TMTC2: variants seen among roughly 807,000 people sequenced by gnomAD.
TMTC2 encodes the protein protein O-mannosyl-transferase TMTC2.
In TMTC2, 43 loss-of-function variants were observed where a neutral mutation model predicts 82.4. The ratio of observed to expected loss-of-function variants is 0.52; its 90% CI spans 0.41 to 0.67. The LOEUF is 0.67. TMTC2 is among the 30% of genes least tolerant of loss of function. TMTC2 has a pLI of 0.00. For missense variants in TMTC2, 919 were observed against 1,012.4 expected (o/e 0.91, Z 1.25); for synonymous variants, 408 against 381.9 (o/e 1.07, Z -0.80).
At chr12:82,947,582 G>A (rs1460865416) in intron 4 of TMTC2, among the ~76,000 whole-genome samples, 2 of 151,706 alleles carry the variant, frequency 1.3e-5, no homozygotes, top group South Asian at 2.1e-4. Flanking sequence ...CGCCTGCCTC[G>A]GCCTCCCAAA....
At chr12:82,833,238 C>A (rs1046709374) in intron 1 of TMTC2, among the ~76,000 whole-genome samples, 4 of 152,078 alleles carry the variant, frequency 2.6e-5, no homozygotes, top group Admixed American at 6.6e-5. Context: ...GCATAATAAA[C>A]CAATAAAACC....
intron 3 of TMTC2, 50 bp downstream of exon 3, chr12:82,896,696 C>T (rs769886771): frequency 3.5e-6 from 5 of 1,414,560 alleles, no homozygotes; most frequent in Non-Finnish European, 3.8e-6. Context: ...CTTTCAGCCT[C>T]TTTATATCTT....
intron 8 of TMTC2, among the ~76,000 whole-genome samples, chr12:83,025,128 G>C (rs549747739): frequency 1.3e-3 from 194 of 152,202 alleles, no homozygotes; most frequent in African/African-American, 4.6e-3. Context: ...GGAGACAGAG[G>C]TTGCAGTAAG....
intron 1 of TMTC2, among the ~76,000 whole-genome samples, chr12:82,810,128 C>A (rs1448912170): frequency 6.6e-6 from 1 of 151,784 alleles, no homozygotes; most frequent in Non-Finnish European, 1.5e-5. Context: ...AGAATCTATA[C>A]ATGCTTAATG....
chr12:82,938,681 T>G (rs1876543434), intron 4 of TMTC2, among the ~76,000 whole-genome samples: 1 of 152,180 alleles, frequency 6.6e-6, no homozygotes, highest in Non-Finnish European at 1.5e-5. Context: ...TGGGGCAGCT[T>G]GCAGGTACCT....
rs1042523136 is a variant in TMTC2 at position 82,963,143 on chromosome 12, C to T, written c.1599-1881C>T. ...ATGGGATTGGGGCATTGGTCATATA[C>T]ACCACAGACCATTCTTAAAGAAAAT... On this transcript the variant is annotated intron_variant, in intron 4 of 11. Coordinates refer to ENST00000321196, the MANE Select transcript of TMTC2 (RefSeq NM_152588.3). Among the ~76,000 whole-genome samples, 10 of 152,058 alleles carry T rather than the reference C, an allele frequency of 6.6e-5. No individual in the cohort carries two copies. The South Asian group carries it at 1.7e-3, about 25-fold the overall frequency.
chr12:83,049,365 A>C (rs549909280), intron 9 of TMTC2, among the ~76,000 whole-genome samples: 1 of 152,030 alleles, frequency 6.6e-6, no homozygotes, highest in African/African-American at 2.4e-5. Flanking sequence ...TTTTGTGTCC[A>C]CATGTACTCA....
At chr12:82,825,487 A>G (rs979907643) in intron 1 of TMTC2, among the ~76,000 whole-genome samples, 7 of 152,148 alleles carry the variant, frequency 4.6e-5, no homozygotes, top group Non-Finnish European at 1.0e-4. Flanking sequence ...TCTCAATTCA[A>G]CCAAGTTTTC....
At position 83,043,511 on chromosome 12, in the gene TMTC2, C is replaced by G. The variant is rs182856349; in HGVS notation, c.2153-7393C>G. ...GTCCGCAGGTACAGATAGTTGCTTC[C>G]GGGATGCTGGCAATGTTCTGTTTCA... On this transcript the variant is annotated intron_variant, in intron 9 of 11. Transcript: ENST00000321196. Among the ~76,000 whole-genome samples, 386 of 152,258 alleles carry G rather than the reference C, an allele frequency of 2.5e-3. 2 individuals are homozygous for G. Among genetic ancestry groups the G allele is most frequent in the Non-Finnish European group, 3.9e-3 (268 of 68,020 alleles).
chr12:83,089,563 A>T (rs1423218042), intron 11 of TMTC2, among the ~76,000 whole-genome samples: 1 of 152,198 alleles, frequency 6.6e-6, no homozygotes, highest in East Asian at 1.9e-4. Context: ...GTACCCCGAA[A>T]CTAAACCAAA....
intron 8 of TMTC2, among the ~76,000 whole-genome samples, chr12:83,024,289 C>G (rs371672346): frequency 3.6e-4 from 54 of 152,088 alleles, no homozygotes; most frequent in Middle Eastern, 3.4e-3. Flanking sequence ...AATAATGTTC[C>G]TTTTATTTGT....
chr12:83,033,516 G>A (rs989082867), intron 9 of TMTC2, among the ~76,000 whole-genome samples: 1 of 152,126 alleles, frequency 6.6e-6, no homozygotes, highest in African/African-American at 2.4e-5. Flanking sequence ...ACTTTGGGAG[G>A]CCGAGGCGGG....
intron 4 of TMTC2, among the ~76,000 whole-genome samples, chr12:82,964,643 A>G (rs1878105780): frequency 6.6e-6 from 1 of 152,116 alleles, no homozygotes; most frequent in Non-Finnish European, 1.5e-5. Flanking sequence ...GTTTCCACAT[A>G]TACATATCTC....
intron 1 of TMTC2, among the ~76,000 whole-genome samples, chr12:82,765,350 C>T (rs1173457441): frequency 6.6e-6 from 1 of 152,110 alleles, no homozygotes; most frequent in African/African-American, 2.4e-5. Flanking sequence ...TTCTCTCCTT[C>T]CCCCAAACAG....
chr12:83,098,664 C>G (rs886422058), intron 11 of TMTC2, among the ~76,000 whole-genome samples: 2 of 152,240 alleles, frequency 1.3e-5, no homozygotes, highest in South Asian at 4.1e-4. Flanking sequence ...TATCGGAAAC[C>G]AGATATGTAG....
chr12:82,800,938 A>G (rs183354021), intron 1 of TMTC2, among the ~76,000 whole-genome samples: 57 of 152,298 alleles, frequency 3.7e-4, no homozygotes, highest in Admixed American at 3.7e-3. Flanking sequence ...TGCTTAGTAA[A>G]CATGTTAATG....
chr12:82,999,576 A>G (rs1379228080), intron 8 of TMTC2, among the ~76,000 whole-genome samples: 1 of 152,194 alleles, frequency 6.6e-6, no homozygotes, highest in Non-Finnish European at 1.5e-5. Context: ...ATCATGGCGG[A>G]AGGCAAAAAG....
At chr12:82,788,720 A>T (rs1398911134) in intron 1 of TMTC2, among the ~76,000 whole-genome samples, 3 of 152,066 alleles carry the variant, frequency 2.0e-5, no homozygotes, top group Admixed American at 2.0e-4. Context: ...TCACATCCTT[A>T]ACATCTCCTT....
chr12:83,015,324 A>G (rs1252333877), intron 8 of TMTC2, among the ~76,000 whole-genome samples: 1 of 152,180 alleles, frequency 6.6e-6, no homozygotes, highest in Non-Finnish European at 1.5e-5. Context: ...ATGATGTCAA[A>G]TTGACTAAAC....
Sources: allele counts gnomAD v4.1 joint callset (sites outside exome capture counted in the v4.1 genomes callset), GRCh38; gene constraint gnomAD v4.1.1; transcripts MANE v1.5; gene names NCBI Gene and HGNC (gene_info 2026-07-23, HGNC 2026-07-21).